ADGRV1: variants seen among roughly 807,000 people sequenced by gnomAD.
The protein encoded by ADGRV1 is G-protein coupled receptor 98.
ADGRV1 carries 359 observed loss-of-function variants against 596.2 expected under a neutral mutation model. The ratio of observed to expected loss-of-function variants is 0.60; its 90% CI spans 0.55 to 0.66. The LOEUF (loss-of-function observed/expected upper bound fraction) is 0.66. ADGRV1 is among the 30% of genes least tolerant of loss of function. The probability of loss-of-function intolerance (pLI) is 0.00; values close to 1 mark genes in which losing one functional copy is unlikely to be tolerated. For synonymous variants in ADGRV1, 2,681 were observed against 2,679.2 expected (o/e 1.00, Z -0.02); for missense variants, 7,274 against 7,575.6 (o/e 0.96, Z 1.48).
intron 55 of ADGRV1, among the ~76,000 whole-genome samples, chr5:90,755,579 A>G (rs1246575265): frequency 1.3e-5 from 2 of 151,844 alleles, no homozygotes. Context: ...TTTTCCTTTC[A>G]TGATATGATT....
At chr5:90,836,830 A>C (rs1765010717) in intron 77 of ADGRV1, among the ~76,000 whole-genome samples, 1 of 152,158 alleles carries the variant, frequency 6.6e-6, no homozygotes, top group Admixed American at 6.5e-5. Flanking sequence ...TGACAGTTTC[A>C]CCTCTCTGGT....
chr5:91,104,846 C>T (rs376038661), intron 87 of ADGRV1, among the ~76,000 whole-genome samples: 1 of 141,242 alleles, frequency 7.1e-6, no homozygotes, highest in Non-Finnish European at 1.5e-5. Context: ...CTTTTCTTTT[C>T]TTTCTTTTCT....
intron 85 of ADGRV1, among the ~76,000 whole-genome samples, chr5:90,989,707 A>G (rs1780808013): frequency 6.6e-6 from 1 of 152,238 alleles, no homozygotes; most frequent in African/African-American, 2.4e-5. Flanking sequence ...TAGGTCATCC[A>G]TGGTTTCACA....
intron 86 of ADGRV1, among the ~76,000 whole-genome samples, chr5:91,082,620 A>G (rs1273841630): frequency 1.3e-5 from 2 of 152,204 alleles, no homozygotes; most frequent in African/African-American, 4.8e-5. Context: ...GTATCTCTCT[A>G]AGATTTGTAT....
intron 83 of ADGRV1, among the ~76,000 whole-genome samples, chr5:90,912,030 A>T (rs924521664): frequency 6.6e-6 from 1 of 151,876 alleles, no homozygotes; most frequent in African/African-American, 2.4e-5. Context: ...TGGGAAATTG[A>T]CTCCATGAGT....
chr5:90,919,945 G>T (rs1773721586), intron 83 of ADGRV1, among the ~76,000 whole-genome samples: 1 of 132,212 alleles, frequency 7.6e-6, no homozygotes, highest in Admixed American at 8.9e-5. Context: ...GATGAGCCAA[G>T]ATCGTGCCAT....
intron 52 of ADGRV1, among the ~76,000 whole-genome samples, chr5:90,749,526 T>G (rs1227464500): frequency 1.3e-5 from 2 of 152,218 alleles, no homozygotes; most frequent in Non-Finnish European, 2.9e-5. Context: ...GTGTAAAATA[T>G]TGCTAAAGGA....
intron 88 of ADGRV1, 22 bp from the exon 89 acceptor site, chr5:91,153,198 TC>T (rs768737930): frequency 3.2e-6 from 5 of 1,583,108 alleles, no homozygotes; most frequent in Non-Finnish European, 3.4e-6. Context: ...GGTTTCTTTT[TC>T]CCCCCATCCC....
At chr5:91,118,748 C>CT (rs761196610) in intron 87 of ADGRV1, among the ~76,000 whole-genome samples, 154 of 151,300 alleles carry the variant, frequency 1.0e-3, no homozygotes, top group Non-Finnish European at 1.9e-3. Flanking sequence ...TCCTCGAGCA[C>CT]TTTTTTTTTA....
intron 77 of ADGRV1, among the ~76,000 whole-genome samples, chr5:90,836,705 A>G (rs1765000168): frequency 1.3e-5 from 2 of 152,204 alleles, no homozygotes; most frequent in African/African-American, 2.4e-5. Context: ...CAGTCATGCA[A>G]AATGTTACTA....
At chr5:90,880,968 C>T (rs1454514727) in intron 83 of ADGRV1, among the ~76,000 whole-genome samples, 1 of 152,154 alleles carries the variant, frequency 6.6e-6, no homozygotes, top group Non-Finnish European at 1.5e-5. Flanking sequence ...GTCTGGTATA[C>T]TTAGTATTGT....
intron 65 of ADGRV1, 111 bp from the exon 66 acceptor site, chr5:90,783,011 CAT>C: frequency 2.5e-6 from 2 of 786,108 alleles, no homozygotes; most frequent in Non-Finnish European, 4.3e-6. Context: ...ACTATGAAAA[CAT>C]AGAGTGCTTA....
At chr5:90,651,530 T>G (rs2149459625) in intron 17 of ADGRV1, 74 bp from the exon 18 acceptor site, 1 of 1,243,358 alleles carries the variant, frequency 8.0e-7, no homozygotes, top group African/African-American at 1.5e-5. Flanking sequence ...GTAAACTTTC[T>G]TAATTTAAAA....
intron 83 of ADGRV1, among the ~76,000 whole-genome samples, chr5:90,897,522 G>A (rs1463695969): frequency 7.7e-6 from 1 of 130,284 alleles, no homozygotes; most frequent in African/African-American, 3.7e-5. Flanking sequence ...CATTAGCACA[G>A]TGCTTAGCAC....
intron 39 of ADGRV1, 110 bp downstream of exon 39, chr5:90,709,019 T>C (rs2149708132): frequency 1.4e-6 from 1 of 690,692 alleles, no homozygotes; most frequent in African/African-American, 1.8e-5. Context: ...CTTAGCTATG[T>C]GTTAAAATAT....
chr5:90,760,771 CAAAG>C (rs560930264), intron 58 of ADGRV1, among the ~76,000 whole-genome samples: 634 of 152,134 alleles, frequency 4.2e-3, no homozygotes, highest in African/African-American at 0.014. Flanking sequence ...GATTCAGCCA[CAAAG>C]AGAGAGAGAG....
chr5:90,703,393 A>C (rs1028753816), intron 34 of ADGRV1, among the ~76,000 whole-genome samples: 1 of 152,138 alleles, frequency 6.6e-6, no homozygotes, highest in African/African-American at 2.4e-5. Flanking sequence ...TTTGGAGTGT[A>C]TAAAAGTTTG....
chr5:90,828,402 C>T (rs977763042), intron 76 of ADGRV1, among the ~76,000 whole-genome samples: 5 of 152,134 alleles, frequency 3.3e-5, no homozygotes, highest in Admixed American at 2.6e-4. Flanking sequence ...CCACCCAAAC[C>T]CTCCACCCAA....
At chr5:90,633,769 A>G (rs1030681731) in intron 9 of ADGRV1, among the ~76,000 whole-genome samples, 3 of 152,200 alleles carry the variant, frequency 2.0e-5, no homozygotes, top group Non-Finnish European at 4.4e-5. Flanking sequence ...CTATATGCCA[A>G]TACTTGACAA....
Sources: gnomAD v4.1 joint callset for allele counts (sites outside exome capture counted in the v4.1 genomes callset) on GRCh38, gnomAD v4.1.1 for gene constraint, MANE v1.5 for transcripts, NCBI Gene and HGNC (gene_info 2026-07-23, HGNC 2026-07-21) for gene names.